The following KAZN variants were observed in gnomAD, a reference collection of about 807,000 sequenced individuals.
KAZN encodes kazrin.
Under a neutral mutation model 87.4 loss-of-function variants are expected in KAZN, and 40 were observed. The ratio of observed to expected loss-of-function variants is 0.46; its 90% CI spans 0.36 to 0.60. The LOEUF is 0.60. Ranked by LOEUF, KAZN falls within the 20% of genes least tolerant of loss-of-function variation. KAZN has a pLI of 0.00. For synonymous variants in KAZN, 466 were observed against 458.3 expected (o/e 1.02, Z -0.22); for missense variants, 898 against 1,073.9 (o/e 0.84, Z 2.29).
chr1:14,958,087 G>A (rs774330925), intron 1 of KAZN, among the ~76,000 whole-genome samples: 3 of 152,198 alleles, frequency 2.0e-5, no homozygotes, highest in African/African-American at 4.8e-5. Context: ...TCAGGGCTCA[G>A]CCCTGCTCCC....
At chr1:14,749,458 T>C (rs147775453) in intron 1 of KAZN, among the ~76,000 whole-genome samples, 1 of 152,334 alleles carries the variant, frequency 6.6e-6, no homozygotes, top group African/African-American at 2.4e-5. Context: ...AAGCCACTCT[T>C]AAACCTCCTT....
At chr1:14,292,913 C>A (rs973454870) in intron 2 of KAZN, among the ~76,000 whole-genome samples, 2 of 152,194 alleles carry the variant, frequency 1.3e-5, no homozygotes, top group African/African-American at 4.8e-5. Context: ...TTAGCAAGGC[C>A]AGAGGAATAC....
intron 2 of KAZN, among the ~76,000 whole-genome samples, chr1:14,196,433 G>T (rs1246741611): frequency 1.3e-5 from 2 of 152,176 alleles, no homozygotes; most frequent in Non-Finnish European, 2.9e-5. Context: ...CCAAGGTGGT[G>T]AGAAATGGAC....
At chr1:14,314,512 G>A (rs954123156) in intron 2 of KAZN, among the ~76,000 whole-genome samples, 33 of 152,088 alleles carry the variant, frequency 2.2e-4, no homozygotes, top group African/African-American at 7.2e-4. Context: ...ACTTTCATGA[G>A]TCTAGGCCTT....
chr1:15,039,817 G>C (rs1672711831), intron 3 of KAZN, among the ~76,000 whole-genome samples: 1 of 152,196 alleles, frequency 6.6e-6, no homozygotes, highest in Non-Finnish European at 1.5e-5. Context: ...GGGTGGGGTT[G>C]ACGCTACTCA....
At chr1:14,494,008 A>G (rs1669813657) in intron 2 of KAZN, among the ~76,000 whole-genome samples, 1 of 152,074 alleles carries the variant, frequency 6.6e-6, no homozygotes, top group African/African-American at 2.4e-5. Context: ...TCCTTGGGCC[A>G]TGTCTTCTGG....
chr1:14,992,200 C>T (rs949966467), intron 2 of KAZN, among the ~76,000 whole-genome samples: 1 of 152,138 alleles, frequency 6.6e-6, no homozygotes, highest in Non-Finnish European at 1.5e-5. Context: ...TGTCCCTACC[C>T]GTGAGTGTGT....
intron 2 of KAZN, among the ~76,000 whole-genome samples, chr1:14,314,009 G>A (rs1655479427): frequency 6.6e-6 from 1 of 152,108 alleles, no homozygotes; most frequent in East Asian, 1.9e-4. Context: ...TGGTAAGTGG[G>A]TGGCTGGGAA....
chr1:15,048,025 G>A (rs77737173), intron 4 of KAZN, among the ~76,000 whole-genome samples: 16 of 152,300 alleles, frequency 1.1e-4, no homozygotes, highest in African/African-American at 3.4e-4. Context: ...CACAGAGGTG[G>A]CAAAGCTCAC....
intron 2 of KAZN, among the ~76,000 whole-genome samples, chr1:14,237,327 G>A (rs1648517190): frequency 6.6e-6 from 1 of 152,180 alleles, no homozygotes; most frequent in South Asian, 2.1e-4. Flanking sequence ...ATTGTTAATA[G>A]CTGAGGAGTG....
intron 1 of KAZN, among the ~76,000 whole-genome samples, chr1:14,817,977 A>G (rs939494020): frequency 1.3e-5 from 2 of 152,266 alleles, no homozygotes; most frequent in African/African-American, 2.4e-5. Context: ...GGTTTTGCTC[A>G]TACACAGCTG....
intron 2 of KAZN, among the ~76,000 whole-genome samples, chr1:14,254,059 A>T (rs2100624302): frequency 6.6e-6 from 1 of 152,180 alleles, no homozygotes; most frequent in East Asian, 1.9e-4. Flanking sequence ...TTTCCCACAT[A>T]AAAAACATAA....
chr1:14,556,136 A>G (rs1673857272), intron 2 of KAZN, among the ~76,000 whole-genome samples: 1 of 138,858 alleles, frequency 7.2e-6, no homozygotes, highest in African/African-American at 2.8e-5. Flanking sequence ...TTTCAGTCGG[A>G]GTCTCACTCT....
At chr1:13,904,744 A>G (rs1639374353) in intron 1 of KAZN, among the ~76,000 whole-genome samples, 2 of 152,038 alleles carry the variant, frequency 1.3e-5, no homozygotes, top group African/African-American at 4.8e-5. Context: ...GGGTAGGTCT[A>G]ATTTTATTTA....
chr1:14,158,631 A>G (rs1645646272), intron 1 of KAZN, among the ~76,000 whole-genome samples: 1 of 152,142 alleles, frequency 6.6e-6, no homozygotes, highest in African/African-American at 2.4e-5. Flanking sequence ...TGGTGAGATC[A>G]TATTTTCCTG....
At chr1:14,185,468 G>A (rs571687572) in intron 2 of KAZN, among the ~76,000 whole-genome samples, 1 of 152,286 alleles carries the variant, frequency 6.6e-6, no homozygotes, top group Non-Finnish European at 1.5e-5. Context: ...CACATCCCCT[G>A]AAATAATCCA....
intron 2 of KAZN, among the ~76,000 whole-genome samples, chr1:14,354,413 T>TCCAACATACGG (rs1475683749): frequency 6.6e-6 from 1 of 152,026 alleles, no homozygotes; most frequent in South Asian, 2.1e-4. Flanking sequence ...AGTGCCTACA[T>TCCAACATACGG]CCAACAAAGA....
chr1:14,975,844 A>T (rs1208734053), intron 2 of KAZN, among the ~76,000 whole-genome samples: 1 of 152,140 alleles, frequency 6.6e-6, no homozygotes, highest in African/African-American at 2.4e-5. Context: ...ATCCTGGCTA[A>T]CACGGTGAAA....
Position 15,066,112 on chromosome 1 carries a change from T to C in KAZN, c.1222+359T>C. 2 of 1,108,122 alleles carry C rather than the reference T, an allele frequency of 1.8e-6. No individual in the cohort carries two copies. Among genetic ancestry groups the C allele is most frequent in the Non-Finnish European group, 2.2e-6 (2 of 909,056 alleles). 68.6% of individuals were successfully genotyped at this position (1,108,122 alleles called of 1,614,324 possible). ...ATTATTTTTCTTCAGTGTTTGGTTT[T>C]TCTTTTTCTTTTTGTTTGGTTCGTC... On this transcript the variant is annotated intron_variant, in intron 8 of 14. Transcript: ENST00000376030. This position sits in a 1 kb window ranked among gnomAD's most constrained non-coding sequence, Gnocchi z 4.3.
Sources: allele counts gnomAD v4.1 joint callset (sites outside exome capture counted in the v4.1 genomes callset), GRCh38; gene constraint gnomAD v4.1.1; non-coding constraint Gnocchi (gnomAD v3.1); transcripts MANE v1.5; gene names NCBI Gene and HGNC (gene_info 2026-07-23, HGNC 2026-07-21).